The following MPRIP variants were observed in gnomAD, a reference collection of about 807,000 sequenced individuals.
The protein encoded by MPRIP is myosin phosphatase Rho-interacting protein.
Under a neutral mutation model 234.9 loss-of-function variants are expected in MPRIP, and 59 were observed. The observed-to-expected ratio is 0.25, with a 90% confidence interval of 0.20 to 0.31. The LOEUF is 0.31. Among genes scored for constraint, MPRIP ranks in the 10% least tolerant of loss-of-function variants. The pLI, the probability that MPRIP is intolerant of heterozygous loss-of-function variation, is 1.00. For synonymous variants in MPRIP, 1,144 were observed against 1,263.9 expected (o/e 0.91, Z 2.01); for missense variants, 2,436 against 3,071.0 (o/e 0.79, Z 4.89).
At chr17:17,077,748 G>C in intron 2 of MPRIP, 1 of 360,474 alleles carries the variant, frequency 2.8e-6, no homozygotes, top group East Asian at 4.5e-5. Flanking sequence ...GAGCTTCCAA[G>C]TGTTAAAAAA....
Position 17,161,269 on chromosome 17 carries a change from C to T in MPRIP, c.2430C>T (p.Asp810=). 2 of 1,603,002 alleles carry T rather than the reference C, an allele frequency of 1.2e-6. No individual in the cohort carries two copies. The highest frequency in any genetic ancestry group is 1.7e-6 in the Non-Finnish European group (2 of 1,172,830). Residue 810 remains aspartate (D), a synonymous_variant, in exon 15 of 24, where the codon GAC becomes GAT. Transcript: ENST00000651222. ...AGCAGAGCCAGAAGGAGGCCTCAGA[C>T]CTTCTGGAGCAGAACCGGCTCCTGC... ...ELEQSQKEAS[D]LLEQNRLLQD...
intron 15 of MPRIP, among the ~76,000 whole-genome samples, chr17:17,162,084 T>A (rs1313416855): frequency 6.6e-6 from 1 of 152,202 alleles, no homozygotes; most frequent in Non-Finnish European, 1.5e-5. Flanking sequence ...GATAGGAAGA[T>A]TGATATATAA....
chr17:17,059,150 C>T (rs953376143), intron 1 of MPRIP, among the ~76,000 whole-genome samples: 1 of 152,172 alleles, frequency 6.6e-6, no homozygotes, highest in Non-Finnish European at 1.5e-5. Flanking sequence ...AATAACTTTT[C>T]TAAGACAAAA....
rs776368688 is a variant in MPRIP at position 17,177,289 on chromosome 17, A to C, written c.6997A>C (p.Thr2333Pro). 1.9e-6 allele frequency: 3 copies of C among 1,614,080 alleles called. No homozygotes were observed. The highest frequency in any genetic ancestry group is 2.5e-6 in the Non-Finnish European group (3 of 1,180,034). Residue 2333 changes from threonine to proline, a missense_variant, in exon 22 of 24, where the codon ACA becomes CCA. Transcript: ENST00000651222. Reference protein sequence around the residue: ...YASDKYKDIYTELSIAKAKAD... With the variant: ...YASDKYKDIYPELSIAKAKAD... ...AAGTGACAAGTACAAAGACATCTACACAGAGCTCAGCATCGCGAAGGCTAA... is the reference window on the plus strand; with the variant it reads ...AAGTGACAAGTACAAAGACATCTACCCAGAGCTCAGCATCGCGAAGGCTAA...
intron 22 of MPRIP, among the ~76,000 whole-genome samples, chr17:17,179,271 A>G (rs1281436362): frequency 6.6e-6 from 1 of 151,886 alleles, no homozygotes; most frequent in East Asian, 1.9e-4. Flanking sequence ...ACATTGTGAA[A>G]CCCCGTCTCT....
chr17:17,166,971 G>C lies in MPRIP; in HGVS notation c.5380G>C (p.Glu1794Gln). Residue 1794 changes from glutamate (E) to glutamine (Q), a missense_variant, in exon 16 of 24, where the codon GAG (glutamate) becomes CAG (glutamine). By Grantham distance (29) the Glu-to-Gln change is conservative (BLOSUM62 2). Coordinates refer to ENST00000651222, the MANE Select transcript of MPRIP (RefSeq NM_001364716.4). The surrounding 1 kb of genome is among the most constrained non-coding windows in gnomAD (Gnocchi z 4.4). ...GCTGAAGGAGAAGGCCAGCCTCTTAGAGGAGATAGCGGCTGCCTTACCATC... is the reference window on the plus strand; with the variant it reads ...GCTGAAGGAGAAGGCCAGCCTCTTACAGGAGATAGCGGCTGCCTTACCATC... ...QQLKEKASLL[E>Q]EIAAALPSLP... is the part of the protein sequence containing the mutation. 1.5e-6 allele frequency: 2 copies of C among 1,304,256 alleles called. No individual in the cohort carries two copies. Among genetic ancestry groups the C allele is most frequent in the Non-Finnish European group, 2.0e-6 (2 of 988,964 alleles). 80.8% of individuals were successfully genotyped at this position (1,304,256 alleles called of 1,614,324 possible).
chr17:17,185,565 C>T lies in MPRIP; in HGVS notation c.*671C>T, dbSNP rs538549708. On this transcript the variant is annotated 3_prime_UTR_variant, in exon 24 of 24. Coordinates refer to ENST00000651222, the MANE Select transcript of MPRIP (RefSeq NM_001364716.4). ...TTTATTAAATCTTGCACAAAATCCCCGGCCCCTCTCCTTCCTTCCTTCCTT... is the reference window on the plus strand; with the variant it reads ...TTTATTAAATCTTGCACAAAATCCCTGGCCCCTCTCCTTCCTTCCTTCCTT... The T allele has an allele frequency of 2.4e-5, 11 of 455,190 alleles. No homozygotes were observed. Among genetic ancestry groups the T allele is most frequent in the Middle Eastern group, 3.2e-4 (1 of 3,082 alleles). 28.2% of individuals were successfully genotyped at this position (455,190 alleles called of 1,614,324 possible). A position where few individuals can be genotyped will look rare whatever the true frequency, so the allele number is the denominator to read the frequency against.
At chr17:17,080,907 G>A (rs930165789) in intron 3 of MPRIP, among the ~76,000 whole-genome samples, 7 of 152,098 alleles carry the variant, frequency 4.6e-5, no homozygotes, top group Non-Finnish European at 2.9e-5. Context: ...AGAGGTCTAC[G>A]GGGTTCCCCT....
intron 1 of MPRIP, among the ~76,000 whole-genome samples, chr17:17,064,450 C>G (rs2088962276): frequency 6.6e-6 from 1 of 152,122 alleles, no homozygotes; most frequent in African/African-American, 2.4e-5. Context: ...CCCCTTTGCC[C>G]AGGTCCTCCG....
At chr17:17,067,103 G>C (rs1168357690) in intron 1 of MPRIP, among the ~76,000 whole-genome samples, 2 of 152,036 alleles carry the variant, frequency 1.3e-5, no homozygotes, top group Admixed American at 1.3e-4. Flanking sequence ...ACGCACAAGG[G>C]CTGTAACATT....
In MPRIP at chr17:17,166,620, C is replaced by T; in HGVS notation, c.5029C>T (p.Gln1677Ter). The stretch of plus-strand genomic sequence containing the variant: ...CAGGGCAGAGCTCAGCTTTGCCACA[C>T]AGTCAGTGAGGGAGTCGTTCCACCG... ...WVRAELSFAT[Q>*]SVRESFHRRL... Residue 1677 changes from glutamine (Q) to a stop codon, truncating the protein, a stop_gained, in exon 16 of 24, where the codon CAG becomes TAG. Coordinates refer to ENST00000651222, the MANE Select transcript of MPRIP (RefSeq NM_001364716.4). LOFTEE classifies it high-confidence loss of function. The surrounding 1 kb of genome is among the most constrained non-coding windows in gnomAD (Gnocchi z 4.4). 1 of 1,304,070 alleles carries T rather than the reference C, an allele frequency of 7.7e-7. No individual in the cohort carries two copies. The highest frequency in any genetic ancestry group is 1.0e-6 in the Non-Finnish European group (1 of 988,870). 80.8% of individuals were successfully genotyped at this position (1,304,070 alleles called of 1,614,324 possible).
intron 5 of MPRIP, among the ~76,000 whole-genome samples, chr17:17,132,052 A>G (rs530964163): frequency 6.6e-6 from 1 of 152,318 alleles, no homozygotes; most frequent in African/African-American, 2.4e-5. Context: ...GCACCCACAG[A>G]TGGCCCTGCA....
rs1287664836 is a variant in MPRIP, at chr17:17,143,450, G to A, written c.1390-106G>A. The A allele has an allele frequency of 4.5e-6, 3 of 663,516 alleles. No individual in the cohort carries two copies. The African/African-American group carries it at 5.7e-5, about 13-fold the overall frequency. 41.1% of individuals were successfully genotyped at this position (663,516 alleles called of 1,614,324 possible). ...CTAGGCAGATCACTGCCCCTCGCCA[G>A]GAGCAAGGCCCTGGCGGCTCTTGGA... On this transcript the variant is annotated intron_variant, in intron 8 of 23. Coordinates refer to ENST00000651222, the MANE Select transcript of MPRIP (RefSeq NM_001364716.4).
chr17:17,156,386 C>G (rs1185271446), intron 13 of MPRIP, among the ~76,000 whole-genome samples: 1 of 152,264 alleles, frequency 6.6e-6, no homozygotes, highest in Non-Finnish European at 1.5e-5. Context: ...TCTGCATAGT[C>G]TGGTAGAGTG....
At position 17,167,347 on chromosome 17, in the gene MPRIP, A is replaced by G. The variant is rs1486837485; in HGVS notation, c.5756A>G (p.Lys1919Arg). 7.7e-7 allele frequency: 1 copy of G among 1,304,158 alleles called. No homozygotes were observed. 80.8% of individuals were successfully genotyped at this position (1,304,158 alleles called of 1,614,324 possible). Residue 1919 changes from lysine to arginine, a missense_variant, in exon 16 of 24, where the codon AAG becomes AGG. Coordinates refer to ENST00000651222, the MANE Select transcript of MPRIP (RefSeq NM_001364716.4). The surrounding 1 kb of genome is among the most constrained non-coding windows in gnomAD (Gnocchi z 5.9). ...VERENAELKAKAAQLDHQQQC... is the reference protein window; with the variant it reads ...VERENAELKARAAQLDHQQQC... ...AGGGAGAATGCAGAGCTCAAGGCCA[A>G]GGCCGCCCAGCTAGACCATCAGCAG...
chr17:17,133,767 A>T (rs1206845717), intron 5 of MPRIP, among the ~76,000 whole-genome samples: 1 of 152,208 alleles, frequency 6.6e-6, no homozygotes, highest in African/African-American at 2.4e-5. Flanking sequence ...GAGTCTCAAT[A>T]GAGTCTAGGC....
Position 17,164,413 on chromosome 17 carries a change from G to A in MPRIP, c.2822G>A (p.Arg941Gln), listed in dbSNP as rs939496781. ...QGRVREQLEERQHSEAALSSQ... is the reference protein window; with the variant it reads ...QGRVREQLEEQQHSEAALSSQ... ...CGGGTCCGCGAGCAGCTGGAGGAGC[G>A]GCAACACAGCGAGGCGGCGCTGAGC... The change falls in exon 16 of 24, where the codon CGG becomes CAG. Residue 941 changes from arginine (R) to glutamine (Q), a missense_variant. Physicochemically the swap from Arg to Gln is conservative, Grantham distance 43 (BLOSUM62 1). Around this residue, in one of 4 missense-constraint regions of MPRIP, gnomAD observed 1,998 missense variants for 2,520.3 expected, o/e 0.79. Coordinates refer to ENST00000651222, the MANE Select transcript of MPRIP (RefSeq NM_001364716.4). 1.3e-5 allele frequency: 17 copies of A among 1,282,866 alleles called. No homozygotes were observed. The East Asian group carries it at 1.7e-4, about 13-fold the overall frequency. The allele number at this position is 1,282,866 out of a possible 1,614,324, so 79.5% of individuals were successfully genotyped here.
rs377158907 is a variant in MPRIP at position 17,159,009 on chromosome 17, G to A, written c.2400+7G>A. 10 of 1,606,374 alleles carry A rather than the reference G, an allele frequency of 6.2e-6. No individual in the cohort carries two copies. Among genetic ancestry groups the A allele is most frequent in the African/African-American group, 1.3e-5 (1 of 74,816 alleles). On this transcript the variant is annotated splice_region_variant and intron_variant, in intron 14 of 23. Coordinates refer to ENST00000651222, the MANE Select transcript of MPRIP (RefSeq NM_001364716.4). ...CTCTCTGCTCGAGAAGGAGGTAATAGCCTGGGACCAGATCCCCACCCTGCT... is the reference window on the plus strand; with the variant it reads ...CTCTCTGCTCGAGAAGGAGGTAATAACCTGGGACCAGATCCCCACCCTGCT...
intron 7 of MPRIP, chr17:17,142,236 G>T: frequency 5.9e-6 from 1 of 169,926 alleles, no homozygotes; most frequent in Non-Finnish European, 1.3e-5. Context: ...CTAAATTTTG[G>T]GGTGGGGGGT....
Sources: allele counts gnomAD v4.1 joint callset (sites outside exome capture counted in the v4.1 genomes callset), GRCh38; gene constraint gnomAD v4.1.1; regional missense constraint gnomAD v4.1.1; non-coding constraint Gnocchi (gnomAD v3.1); transcripts MANE v1.5; gene names NCBI Gene and HGNC (gene_info 2026-07-23, HGNC 2026-07-21).